MAGI1: variants seen among roughly 807,000 people sequenced by gnomAD.
The protein encoded by MAGI1 is membrane-associated guanylate kinase, WW and PDZ domain-containing protein 1.
A neutral mutation model predicts 139.9 loss-of-function variants in MAGI1; 58 were observed. That is an observed-to-expected ratio of 0.41 (90% CI 0.34 to 0.52). The LOEUF (loss-of-function observed/expected upper bound fraction) is 0.52. Among genes scored for constraint, MAGI1 ranks in the 20% least tolerant of loss-of-function variants. The pLI is 0.12. For missense variants in MAGI1, 1,874 were observed against 1,901.6 expected (o/e 0.99, Z 0.27); for synonymous variants, 812 against 737.9 (o/e 1.10, Z -1.63).
At chr3:65,778,881 C>G (rs190640561) in intron 1 of MAGI1, among the ~76,000 whole-genome samples, 84 of 152,252 alleles carry the variant, frequency 5.5e-4, no homozygotes, top group Non-Finnish European at 1.2e-4. Context: ...GACAGTTATA[C>G]CCCCCAGGGG....
intron 5 of MAGI1, chr3:65,469,815 A>ATAT (rs1950439130): frequency 3.3e-5 from 5 of 151,182 alleles, no homozygotes; most frequent in Non-Finnish European, 5.9e-5. Flanking sequence ...ATGATAAAGG[A>ATAT]ATTATATCCA....
rs1378511363 is a variant in MAGI1, at chr3:65,353,803, A to G, written c.*2575T>C. The G allele has an allele frequency of 1.3e-5, 2 of 152,230 alleles. No individual in the cohort carries two copies. The allele number at this position is 152,230 out of a possible 1,614,324, so 9.4% of individuals were successfully genotyped here. ...GTAGGCTCACAAGAATCAGTTTCCAATTTAAGGTTACAGCAGTTCAAAGAA... is the reference window on the plus strand; with the variant it reads ...GTAGGCTCACAAGAATCAGTTTCCAGTTTAAGGTTACAGCAGTTCAAAGAA... On this transcript the variant is annotated 3_prime_UTR_variant, in exon 23 of 23. Coordinates refer to ENST00000402939, the MANE Select transcript of MAGI1 (RefSeq NM_001033057.2).
chr3:65,919,679 TTCTCTCTCTCTCTC>T (rs10575249), intron 1 of MAGI1, among the ~76,000 whole-genome samples: 1 of 148,426 alleles, frequency 6.7e-6, no homozygotes, highest in Non-Finnish European at 1.5e-5. Context: ...TTCTCTCTCC[TTCTCTCTCTCTCTC>T]TCTCTCTCTC....
chr3:65,605,664 G>A (rs904166479), intron 2 of MAGI1, among the ~76,000 whole-genome samples: 1 of 152,148 alleles, frequency 6.6e-6, no homozygotes, highest in Non-Finnish European at 1.5e-5. Flanking sequence ...AAGAGTTAAT[G>A]AAGGAGAGAG....
intron 2 of MAGI1, among the ~76,000 whole-genome samples, chr3:65,568,776 A>G (rs17073122): frequency 0.53 from 81,246 of 152,062 alleles, 22,121 homozygotes; most frequent in East Asian, 0.81. Flanking sequence ...ATAATGCTCC[A>G]TAACTTTCTA....
chr3:65,610,742 G>GTATATACTATATATA lies in MAGI1; in HGVS notation c.430+11229_430+11230insTATATATAGTATATA, dbSNP rs11276480. On this transcript the variant is annotated intron_variant, in intron 2 of 22. Coordinates refer to ENST00000402939, the MANE Select transcript of MAGI1 (RefSeq NM_001033057.2). ...CATTTAGGTACAAATATAGTATATA[G>GTATATACTATATATA]TATATATACAGTATATATATAGCAT... 1.6e-4 allele frequency among the ~76,000 whole-genome samples: 19 copies of GTATATACTATATATA among 121,334 alleles called. 3 individuals are homozygous for GTATATACTATATATA. Among genetic ancestry groups the GTATATACTATATATA allele is most frequent in the Admixed American group, 6.1e-4 (7 of 11,462 alleles). The allele number at this position is 121,334 out of a possible 152,430, so 79.6% of individuals were successfully genotyped here.
chr3:65,834,071 G>A (rs2042673676), intron 1 of MAGI1, among the ~76,000 whole-genome samples: 1 of 152,182 alleles, frequency 6.6e-6, no homozygotes, highest in African/African-American at 2.4e-5. Context: ...CCACTTTTCT[G>A]CAGCTGAAAT....
intron 13 of MAGI1, among the ~76,000 whole-genome samples, chr3:65,395,573 C>G (rs1312808701): frequency 7.3e-6 from 1 of 137,186 alleles, no homozygotes. Flanking sequence ...AAAGGTGGAG[C>G]TTCCAGTGAG....
intron 1 of MAGI1, among the ~76,000 whole-genome samples, chr3:65,781,282 C>T (rs1281979759): frequency 1.3e-5 from 2 of 152,164 alleles, no homozygotes; most frequent in Non-Finnish European, 2.9e-5. Context: ...CAAACAGATA[C>T]TGACACAATA....
intron 1 of MAGI1, among the ~76,000 whole-genome samples, chr3:65,852,496 A>T (rs2059238154): frequency 6.7e-6 from 1 of 150,062 alleles, no homozygotes; most frequent in African/African-American, 2.5e-5. Flanking sequence ...GACACACTTG[A>T]CACCAATTTT....
chr3:65,509,184 A>C (rs2077438375), intron 2 of MAGI1, among the ~76,000 whole-genome samples: 1 of 152,108 alleles, frequency 6.6e-6, no homozygotes, highest in Admixed American at 6.6e-5. Context: ...TCAAAACAAA[A>C]CAATCAAAAT....
chr3:65,718,172 T>TG (rs1336783542), intron 1 of MAGI1, among the ~76,000 whole-genome samples: 6 of 152,286 alleles, frequency 3.9e-5, no homozygotes, highest in African/African-American at 1.4e-4. Flanking sequence ...CGTCTGTGGT[T>TG]AATGTGACAT....
chr3:65,876,137 A>C (rs77715542), intron 1 of MAGI1, among the ~76,000 whole-genome samples: 2 of 152,098 alleles, frequency 1.3e-5, no homozygotes, highest in African/African-American at 4.8e-5. Flanking sequence ...AAAAAAAAAA[A>C]AGCAAAGCAT....
At chr3:66,011,832 G>GA (rs2067334928) in intron 1 of MAGI1, among the ~76,000 whole-genome samples, 1 of 127,818 alleles carries the variant, frequency 7.8e-6, no homozygotes. Flanking sequence ...ACAATATGCT[G>GA]AACCAAAAAA....
chr3:65,846,566 G>A (rs964261622), intron 1 of MAGI1, among the ~76,000 whole-genome samples: 1 of 152,312 alleles, frequency 6.6e-6, no homozygotes. Context: ...TAGTAAGTCT[G>A]AGTAGCAACT....
intron 1 of MAGI1, among the ~76,000 whole-genome samples, chr3:65,733,693 G>T (rs1249621881): frequency 6.6e-6 from 1 of 152,164 alleles, no homozygotes; most frequent in African/African-American, 2.4e-5. Flanking sequence ...TTGGATGTTT[G>T]ATCTTAATCT....
intron 1 of MAGI1, among the ~76,000 whole-genome samples, chr3:65,939,530 T>C (rs1441167251): frequency 6.6e-6 from 1 of 152,210 alleles, no homozygotes; most frequent in African/African-American, 2.4e-5. Flanking sequence ...GCCCTAACGA[T>C]GGTTCATTTT....
chr3:65,931,979 A>T (rs893467249), intron 1 of MAGI1, among the ~76,000 whole-genome samples: 4 of 152,208 alleles, frequency 2.6e-5, no homozygotes, highest in Non-Finnish European at 5.9e-5. Context: ...TGAAACTTGG[A>T]GTTACCAAAT....
intron 11 of MAGI1, among the ~76,000 whole-genome samples, chr3:65,430,455 T>C (rs908624609): frequency 2.0e-5 from 3 of 152,282 alleles, no homozygotes; most frequent in African/African-American, 7.2e-5. Flanking sequence ...TAGTAACTCA[T>C]TGCTTTACTG....
Sources: allele counts gnomAD v4.1 joint callset (sites outside exome capture counted in the v4.1 genomes callset), GRCh38; gene constraint gnomAD v4.1.1; transcripts MANE v1.5; gene names NCBI Gene and HGNC (gene_info 2026-07-23, HGNC 2026-07-21).